The following ERBIN variants were observed in gnomAD, a reference collection of about 807,000 sequenced individuals.
The protein encoded by ERBIN is densin-180-like protein.
In ERBIN, 60 loss-of-function variants were observed where a neutral mutation model predicts 158.4. That is an observed-to-expected ratio of 0.38 (90% CI 0.31 to 0.47). The LOEUF is 0.47. ERBIN is among the 20% of genes least tolerant of loss of function. The pLI, the probability that ERBIN is intolerant of heterozygous loss-of-function variation, is 0.99. For missense variants in ERBIN, 1,610 were observed against 1,648.0 expected (o/e 0.98, Z 0.40); for synonymous variants, 594 against 557.2 (o/e 1.07, Z -0.93).
At chr5:66,061,302 T>G (rs1392346274) in intron 21 of ERBIN, among the ~76,000 whole-genome samples, 2 of 152,064 alleles carry the variant, frequency 1.3e-5, no homozygotes, top group Admixed American at 6.5e-5. Flanking sequence ...TGTAATGGCC[T>G]TCTTTGACTC....
intron 13 of ERBIN, 59 bp from the exon 14 acceptor site, chr5:66,028,215 A>G (rs1004813623): frequency 7.6e-7 from 1 of 1,319,746 alleles, no homozygotes; most frequent in Admixed American, 1.9e-5. Context: ...TTGAACCCTC[A>G]TTCATTTTAA....
Position 66,078,610 on chromosome 5 carries a change from T to G in ERBIN, c.*80T>G. The G allele has an allele frequency of 1.2e-6, 1 of 839,760 alleles. No individual in the cohort carries two copies. Among genetic ancestry groups the G allele is most frequent in the Non-Finnish European group, 1.9e-6 (1 of 517,204 alleles). 52.0% of individuals were successfully genotyped at this position (839,760 alleles called of 1,614,324 possible). A position where few individuals can be genotyped will look rare whatever the true frequency, so the allele number is the denominator to read the frequency against. Reference sequence around the variant, plus strand: ...CAGGGGAAATTAATATTTTGACTATTTTTATATATAAAGAAGAACTCAAAA... The same window carrying G: ...CAGGGGAAATTAATATTTTGACTATGTTTATATATAAAGAAGAACTCAAAA... On this transcript the variant is annotated 3_prime_UTR_variant, in exon 26 of 26. Coordinates refer to ENST00000284037, the MANE Select transcript of ERBIN (RefSeq NM_001253697.2).
intron 1 of ERBIN, among the ~76,000 whole-genome samples, chr5:65,961,898 G>A (rs1747968780): frequency 6.6e-6 from 1 of 152,068 alleles, no homozygotes; most frequent in South Asian, 2.1e-4. Flanking sequence ...CACTAATGAG[G>A]TGCCTTACAT....
At chr5:65,980,040 A>G (rs751066032) in intron 1 of ERBIN, among the ~76,000 whole-genome samples, 7 of 152,234 alleles carry the variant, frequency 4.6e-5, no homozygotes, top group Non-Finnish European at 5.9e-5. Flanking sequence ...TAGGATAGCT[A>G]AAAGTCCACA....
chr5:66,053,360 A>G, intron 20 of ERBIN, 46 bp from the exon 21 acceptor site: 1 of 1,220,618 alleles, frequency 8.2e-7, no homozygotes, highest in Non-Finnish European at 1.1e-6. Flanking sequence ...TGTTACTAAG[A>G]AAACTCGGCT....
chr5:66,071,080 G>A (rs901297070), intron 21 of ERBIN, among the ~76,000 whole-genome samples: 4 of 152,146 alleles, frequency 2.6e-5, no homozygotes, highest in South Asian at 4.2e-4. Flanking sequence ...GGGGCCCTGT[G>A]CAGTGGTTCA....
intron 1 of ERBIN, among the ~76,000 whole-genome samples, chr5:65,961,790 T>C (rs1454010324): frequency 1.3e-5 from 2 of 152,090 alleles, no homozygotes; most frequent in African/African-American, 4.8e-5. Flanking sequence ...GAATTTTAGG[T>C]ATCTTTGGTG....
intron 4 of ERBIN, among the ~76,000 whole-genome samples, chr5:65,999,198 C>G (rs1354212521): frequency 6.6e-6 from 1 of 151,990 alleles, no homozygotes; most frequent in Non-Finnish European, 1.5e-5. Context: ...GACCCCGTCT[C>G]TACTAAAAAT....
At chr5:65,978,275 T>G (rs1580230500) in intron 1 of ERBIN, among the ~76,000 whole-genome samples, 1 of 152,252 alleles carries the variant, frequency 6.6e-6, no homozygotes. Flanking sequence ...CACCTTTTCC[T>G]TCAGATTATA....
chr5:65,986,020 C>G (rs1394160943), intron 1 of ERBIN, among the ~76,000 whole-genome samples: 2 of 152,060 alleles, frequency 1.3e-5, no homozygotes, highest in Non-Finnish European at 2.9e-5. Flanking sequence ...TGCTTCTCTT[C>G]AGTGTCCTTT....
chr5:65,997,499 A>G (rs945306885), intron 4 of ERBIN, among the ~76,000 whole-genome samples: 2 of 152,204 alleles, frequency 1.3e-5, no homozygotes, highest in Admixed American at 6.5e-5. Flanking sequence ...TTAAGTCCTT[A>G]CCTCAGAAGG....
At chr5:65,983,936 G>C (rs567788424) in intron 1 of ERBIN, among the ~76,000 whole-genome samples, 7 of 152,166 alleles carry the variant, frequency 4.6e-5, no homozygotes, top group Non-Finnish European at 8.8e-5. Context: ...TATGAACCTA[G>C]CATCACAGTG....
rs1444047979 is a variant in ERBIN at position 66,081,673 on chromosome 5, T to A, written c.*3143T>A. 2 of 152,008 alleles carry A rather than the reference T, an allele frequency of 1.3e-5. No homozygotes were observed. The highest frequency in any genetic ancestry group is 1.3e-4 in the Admixed American group (2 of 15,272). The allele number at this position is 152,008 out of a possible 1,614,324, so 9.4% of individuals were successfully genotyped here. ...GGAAGAAGTGTAGTTTATCTCAAAT[T>A]ATTATTATTTACTTCTAAAGGGAGG... On this transcript the variant is annotated 3_prime_UTR_variant, in exon 26 of 26. Coordinates refer to ENST00000284037, the MANE Select transcript of ERBIN (RefSeq NM_001253697.2).
At chr5:66,004,714 T>TA (rs1291603288) in intron 4 of ERBIN, among the ~76,000 whole-genome samples, 5 of 152,228 alleles carry the variant, frequency 3.3e-5, no homozygotes, top group African/African-American at 1.2e-4. Context: ...CTGTGTACTT[T>TA]ATCTGTAAGG....
Position 66,080,903 on chromosome 5 carries a change from T to C in ERBIN, c.*2373T>C, listed in dbSNP as rs1168291769. ...GTAAGAAACTTTACCAAGAGGAGTATTATAGCCAAGTTTTCTTTGAAAGTA... is the reference window on the plus strand; with the variant it reads ...GTAAGAAACTTTACCAAGAGGAGTACTATAGCCAAGTTTTCTTTGAAAGTA... On this transcript the variant is annotated 3_prime_UTR_variant, in exon 26 of 26. Transcript: ENST00000284037. 1 of 152,052 alleles carries C rather than the reference T, an allele frequency of 6.6e-6. No individual in the cohort carries two copies. Among genetic ancestry groups the C allele is most frequent in the Non-Finnish European group, 1.5e-5 (1 of 67,900 alleles). The allele number at this position is 152,052 out of a possible 1,614,324, so 9.4% of individuals were successfully genotyped here.
intron 1 of ERBIN, among the ~76,000 whole-genome samples, chr5:65,942,055 T>C (rs924972548): frequency 2.0e-5 from 3 of 152,196 alleles, no homozygotes; most frequent in Non-Finnish European, 2.9e-5. Flanking sequence ...TCTTGTAATA[T>C]ATTTAACAGA....
chr5:65,943,726 C>G (rs1408667561), intron 1 of ERBIN, among the ~76,000 whole-genome samples: 3 of 152,096 alleles, frequency 2.0e-5, no homozygotes, highest in Admixed American at 6.5e-5. Context: ...ATATCTTAAC[C>G]ATTTTTAAAT....
At chr5:65,958,328 A>C (rs1012714049) in intron 1 of ERBIN, among the ~76,000 whole-genome samples, 19 of 152,212 alleles carry the variant, frequency 1.2e-4, no homozygotes, top group Admixed American at 2.0e-4. Flanking sequence ...AGCCTGGGCA[A>C]CATTGAGCAC....
intron 11 of ERBIN, 50 bp downstream of exon 11, chr5:66,025,602 A>G: frequency 7.5e-7 from 1 of 1,331,756 alleles, no homozygotes; most frequent in South Asian, 1.2e-5. Flanking sequence ...CTTTCAGTTC[A>G]GCATGCCATA....
Sources: gnomAD v4.1 joint callset for allele counts (sites outside exome capture counted in the v4.1 genomes callset) on GRCh38, gnomAD v4.1.1 for gene constraint, MANE v1.5 for transcripts, NCBI Gene and HGNC (gene_info 2026-07-23, HGNC 2026-07-21) for gene names.